SGCZ: variants seen among roughly 807,000 people sequenced by gnomAD.
The protein encoded by SGCZ is zeta-sarcoglycan.
In SGCZ, 40 loss-of-function variants were observed where a neutral mutation model predicts 41.3. That is an observed-to-expected ratio of 0.97 (90% CI 0.75 to 1.26). The LOEUF (loss-of-function observed/expected upper bound fraction) is 1.26, where lower values mean the gene tolerates loss of function less well. SGCZ is among the 50% of genes most tolerant of loss of function. SGCZ has a pLI of 0.00. For synonymous variants in SGCZ, 206 were observed against 137.5 expected (o/e 1.50, Z -3.49); for missense variants, 552 against 369.8 (o/e 1.49, Z -4.04).
chr8:15,139,018 A>G (rs1276871924), intron 1 of SGCZ, among the ~76,000 whole-genome samples: 1 of 152,192 alleles, frequency 6.6e-6, no homozygotes, highest in Non-Finnish European at 1.5e-5. Flanking sequence ...GGATTTAAGC[A>G]TGCCCTAAGT....
intron 2 of SGCZ, among the ~76,000 whole-genome samples, chr8:14,381,399 T>C (rs1804357088): frequency 6.6e-6 from 1 of 152,178 alleles, no homozygotes; most frequent in African/African-American, 2.4e-5. Context: ...TCATAAAAGA[T>C]GATAATCCAT....
chr8:15,036,196 A>C (rs1803867141), intron 1 of SGCZ, among the ~76,000 whole-genome samples: 1 of 152,166 alleles, frequency 6.6e-6, no homozygotes, highest in Admixed American at 6.5e-5. Context: ...AGTCTACATT[A>C]AACTAGGATA....
intron 1 of SGCZ, among the ~76,000 whole-genome samples, chr8:14,818,341 C>T (rs955927260): frequency 6.6e-6 from 1 of 152,138 alleles, no homozygotes; most frequent in Non-Finnish European, 1.5e-5. Flanking sequence ...GTACAGCCTA[C>T]CCACTGAGGC....
At chr8:15,217,764 C>G (rs567882584) in intron 1 of SGCZ, among the ~76,000 whole-genome samples, 2 of 152,290 alleles carry the variant, frequency 1.3e-5, no homozygotes, top group East Asian at 3.9e-4. Context: ...AGTCTTCAAG[C>G]AAAGCAATGT....
At chr8:14,745,656 T>A (rs1585226466) in intron 1 of SGCZ, among the ~76,000 whole-genome samples, 1 of 151,948 alleles carries the variant, frequency 6.6e-6, no homozygotes, top group African/African-American at 2.4e-5. Context: ...CATATATATA[T>A]ACACACATAC....
chr8:14,538,090 T>G (rs1046058709), intron 2 of SGCZ, among the ~76,000 whole-genome samples: 1 of 151,954 alleles, frequency 6.6e-6, no homozygotes. Context: ...TTTTAAAGTA[T>G]ATGTATAGAT....
intron 1 of SGCZ, among the ~76,000 whole-genome samples, chr8:15,067,187 C>T (rs1353455814): frequency 6.6e-6 from 1 of 151,994 alleles, no homozygotes; most frequent in Non-Finnish European, 1.5e-5. Flanking sequence ...ATATAGGATC[C>T]TCTTTCATCA....
chr8:14,166,576 T>C (rs1478404685), intron 4 of SGCZ, among the ~76,000 whole-genome samples: 1 of 152,136 alleles, frequency 6.6e-6, no homozygotes, highest in Non-Finnish European at 1.5e-5. Flanking sequence ...AGTACATTGC[T>C]TCCTTCAAAT....
At chr8:14,627,606 G>T (rs553933615) in intron 1 of SGCZ, among the ~76,000 whole-genome samples, 6 of 152,044 alleles carry the variant, frequency 3.9e-5, no homozygotes, top group African/African-American at 1.4e-4. Context: ...GCAATATATG[G>T]TTATTCCTAA....
intron 1 of SGCZ, among the ~76,000 whole-genome samples, chr8:14,625,966 T>G (rs1806440845): frequency 6.6e-6 from 1 of 152,166 alleles, no homozygotes; most frequent in Admixed American, 6.6e-5. Context: ...CAGCAAAGTT[T>G]CATCCAAGGC....
chr8:14,672,304 CAATGTCTCATATTCCAT>C (rs1298970806), intron 1 of SGCZ, among the ~76,000 whole-genome samples: 19 of 152,180 alleles, frequency 1.2e-4, no homozygotes, highest in African/African-American at 4.6e-4. Context: ...TGTTAATGCC[CAATGTCTCATATTCCAT>C]AGCGGAAAAC....
chr8:14,579,271 G>A (rs1804809956), intron 1 of SGCZ, among the ~76,000 whole-genome samples: 1 of 152,170 alleles, frequency 6.6e-6, no homozygotes, highest in Admixed American at 6.5e-5. Context: ...AAAGGAACAA[G>A]TGTGTTTAAA....
At chr8:14,767,153 A>G (rs952445129) in intron 1 of SGCZ, among the ~76,000 whole-genome samples, 2 of 152,092 alleles carry the variant, frequency 1.3e-5, no homozygotes, top group East Asian at 1.9e-4. Context: ...GCTTTGCCCA[A>G]TGTGATGATG....
intron 2 of SGCZ, among the ~76,000 whole-genome samples, chr8:14,553,242 A>G (rs1803927310): frequency 6.6e-6 from 1 of 152,012 alleles, no homozygotes; most frequent in South Asian, 2.1e-4. Flanking sequence ...TTCCCAAATG[A>G]GAGGGTAAAG....
chr8:14,171,623 TA>T (rs1157106564), intron 4 of SGCZ, among the ~76,000 whole-genome samples: 2 of 152,034 alleles, frequency 1.3e-5, no homozygotes, highest in Non-Finnish European at 1.5e-5. Flanking sequence ...TTTTCTAACA[TA>T]AAAAATCGTA....
At chr8:14,107,008 A>G (rs932659816) in intron 6 of SGCZ, among the ~76,000 whole-genome samples, 5 of 152,094 alleles carry the variant, frequency 3.3e-5, no homozygotes, top group Non-Finnish European at 7.4e-5. Flanking sequence ...GAAGGTCAGG[A>G]GATAGAGACT....
intron 1 of SGCZ, among the ~76,000 whole-genome samples, chr8:14,983,389 T>G (rs527410109): frequency 6.6e-6 from 1 of 152,170 alleles, no homozygotes; most frequent in African/African-American, 2.4e-5. Flanking sequence ...TTTTTATTTT[T>G]ATTTTTTGGA....
At chr8:15,135,440 T>C (rs1808066737) in intron 1 of SGCZ, among the ~76,000 whole-genome samples, 2 of 152,208 alleles carry the variant, frequency 1.3e-5, no homozygotes, top group Non-Finnish European at 2.9e-5. Flanking sequence ...CACATTTTCC[T>C]AGCACATGAA....
chr8:14,499,661 ATACTT>A (rs1038694434), intron 2 of SGCZ, among the ~76,000 whole-genome samples: 4 of 151,994 alleles, frequency 2.6e-5, no homozygotes, highest in African/African-American at 7.2e-5. Flanking sequence ...TAAATTTTAA[ATACTT>A]TATTTTTCTT....
Sources: gnomAD v4.1 joint callset for allele counts (sites outside exome capture counted in the v4.1 genomes callset) on GRCh38, gnomAD v4.1.1 for gene constraint, MANE v1.5 for transcripts, NCBI Gene and HGNC (gene_info 2026-07-23, HGNC 2026-07-21) for gene names.